SNX25: variants seen among roughly 807,000 people sequenced by gnomAD.
SNX25 encodes the protein sorting nexin-25.
SNX25 carries 62 observed loss-of-function variants against 113.7 expected under a neutral mutation model. That is an observed-to-expected ratio of 0.55 (90% CI 0.44 to 0.67). The LOEUF (loss-of-function observed/expected upper bound fraction) is 0.67, where lower values mean the gene tolerates loss of function less well. SNX25 is among the 30% of genes least tolerant of loss of function. The pLI is 0.00. For missense variants in SNX25, 1,014 were observed against 1,161.0 expected, an observed-to-expected ratio of 0.87 and a Z score of 1.84; for synonymous variants, 421 against 436.2, an observed-to-expected ratio of 0.97 and a Z score of 0.43.
intron 7 of SNX25, among the ~76,000 whole-genome samples, chr4:185,314,194 A>G (rs79409551): frequency 0.019 from 2,903 of 152,120 alleles, 87 homozygotes; most frequent in African/African-American, 0.066. Flanking sequence ...TAATCTTTTA[A>G]GAAGCTATAA....
At position 185,267,034 on chromosome 4, in the gene SNX25, C is replaced by T. The variant is rs1464561353; in HGVS notation, c.970C>T (p.Leu324=). The change falls in exon 5 of 19, where the codon CTG becomes TTG. Residue 324 remains leucine, a synonymous_variant. Coordinates refer to ENST00000652585, the MANE Select transcript of SNX25 (RefSeq NM_001378034.2). ...CATTAACCAAATGCTGCTTGCCCAG[C>T]TGGCGTACAGAGAGCAAATGAATGA... ...DYINQMLLAQ[L]AYREQMNEHH... 1.2e-6 allele frequency: 2 copies of T among 1,614,020 alleles called. No homozygotes were observed.
chr4:185,309,409 C>T (rs557740704), intron 6 of SNX25, among the ~76,000 whole-genome samples: 17 of 152,148 alleles, frequency 1.1e-4, no homozygotes, highest in African/African-American at 2.7e-4. Context: ...AGAGGGACAT[C>T]GTAAAAAGAG....
chr4:185,257,958 A>G (rs1264747313), intron 2 of SNX25, among the ~76,000 whole-genome samples: 1 of 152,208 alleles, frequency 6.6e-6, no homozygotes, highest in Non-Finnish European at 1.5e-5. Flanking sequence ...GAACAGAGAA[A>G]GTTAAATATA....
At chr4:185,306,717 A>G (rs901926507) in intron 6 of SNX25, among the ~76,000 whole-genome samples, 2 of 152,352 alleles carry the variant, frequency 1.3e-5, no homozygotes, top group Admixed American at 6.5e-5. Context: ...TACACAAACT[A>G]TGAAGTTTAA....
upstream of SNX25, among the ~76,000 whole-genome samples, chr4:185,205,453 CAA>C (rs1161922728): frequency 3.1e-5 from 4 of 127,442 alleles, no homozygotes; most frequent in African/African-American, 2.9e-5. Flanking sequence ...GACTGTGTCT[CAA>C]AAAAAAAAAA....
intron 9 of SNX25, among the ~76,000 whole-genome samples, chr4:185,325,002 T>C (rs995358183): frequency 3.5e-4 from 54 of 152,330 alleles, no homozygotes; most frequent in African/African-American, 1.2e-3. Flanking sequence ...GTCCTAGGCA[T>C]ATTATTAGGA....
chr4:185,288,137 C>T (rs1471435831), intron 6 of SNX25, 55 bp downstream of exon 6: 34 of 1,401,158 alleles, frequency 2.4e-5, no homozygotes, highest in Admixed American at 1.7e-4. Flanking sequence ...GCTTGATCCC[C>T]GGCCTTCTCC....
At chr4:185,293,489 G>A (rs773361530) in intron 6 of SNX25, among the ~76,000 whole-genome samples, 10 of 152,174 alleles carry the variant, frequency 6.6e-5, no homozygotes, top group Admixed American at 1.3e-4. Flanking sequence ...AAAGAAGCCA[G>A]ATGCAATAGG....
chr4:185,285,571 C>T (rs1250867610), intron 5 of SNX25, among the ~76,000 whole-genome samples: 1 of 152,202 alleles, frequency 6.6e-6, no homozygotes, highest in East Asian at 1.9e-4. Context: ...TCAAGTCTTC[C>T]TCAGAAAGCT....
At chr4:185,253,189 A>G (rs1204498294) in intron 2 of SNX25, among the ~76,000 whole-genome samples, 1 of 152,236 alleles carries the variant, frequency 6.6e-6, no homozygotes, top group Non-Finnish European at 1.5e-5. Flanking sequence ...TAATTGTATA[A>G]TTATTGAGTA....
chr4:185,339,329 G>A (rs1354902683), intron 10 of SNX25, 50 bp from the exon 11 acceptor site: 1 of 1,568,672 alleles, frequency 6.4e-7, no homozygotes, highest in Non-Finnish European at 8.8e-7. Context: ...TTGCTGAATT[G>A]CATAGTTTTA....
intron 5 of SNX25, among the ~76,000 whole-genome samples, chr4:185,276,717 T>C (rs973291584): frequency 6.6e-6 from 1 of 152,154 alleles, no homozygotes; most frequent in South Asian, 2.1e-4. Flanking sequence ...TTAAACCATC[T>C]TTCCCATCTA....
At chr4:185,365,692 ATAATAAT>A (rs1184392698), downstream of SNX25, 7 of 138,796 alleles carry the variant, frequency 5.0e-5, no homozygotes, top group African/African-American at 2.0e-4. Context: ...AAAAAAAAAA[ATAATAAT>A]AATAATAATA....
In SNX25 at chr4:185,210,872, T is replaced by A. The variant is rs1192900776; in HGVS notation, c.429+617T>A. 6.6e-6 allele frequency among the ~76,000 whole-genome samples: 1 copy of A among 151,988 alleles called. No individual in the cohort carries two copies. Among genetic ancestry groups the A allele is most frequent in the African/African-American group, 2.4e-5 (1 of 41,378 alleles). On this transcript the variant is annotated intron_variant, in intron 1 of 18. Coordinates refer to ENST00000652585, the MANE Select transcript of SNX25 (RefSeq NM_001378034.2). The surrounding 1 kb of genome is among the most constrained non-coding windows in gnomAD (Gnocchi z 4.4). ...CTGGTTTGCAACAAAAGGAAAGCCA[T>A]CCTCAGCGCGCTGTGGGACACTAGG... is the stretch of plus-strand genomic sequence containing the variant.
Position 185,239,973 on chromosome 4 carries a change from C to G in SNX25, c.430-7321C>G, listed in dbSNP as rs1314616238. 6.1e-4 allele frequency among the ~76,000 whole-genome samples: 92 copies of G among 150,446 alleles called. 1 individual carries two copies. Among genetic ancestry groups the G allele is most frequent in the Admixed American group, 2.4e-3 (36 of 15,084 alleles). ...ATTAGGGAGTGGTGATGACTCTTAA[C>G]GAGCATGCTTCCTTCAAGCATCTGT... On this transcript the variant is annotated intron_variant, in intron 1 of 18. Transcript: ENST00000652585.
intron 5 of SNX25, among the ~76,000 whole-genome samples, chr4:185,277,794 G>A (rs1168078798): frequency 5.0e-5 from 2 of 39,674 alleles, no homozygotes; most frequent in East Asian, 1.3e-3. Context: ...GTGCAGTGGC[G>A]GGATCTCGGC....
intron 7 of SNX25, among the ~76,000 whole-genome samples, chr4:185,317,809 G>A (rs1312600538): frequency 6.6e-6 from 1 of 152,028 alleles, no homozygotes; most frequent in Non-Finnish European, 1.5e-5. Context: ...AGGGGAGGGA[G>A]AGCATTAGAA....
intron 6 of SNX25, among the ~76,000 whole-genome samples, chr4:185,289,557 C>T (rs1751859586): frequency 6.6e-6 from 1 of 152,164 alleles, no homozygotes; most frequent in Admixed American, 6.5e-5. Flanking sequence ...AACCCAGTCA[C>T]AAAGGCCCAA....
intron 3 of SNX25, among the ~76,000 whole-genome samples, chr4:185,261,116 G>GTGTA (rs1747263890): frequency 2.6e-5 from 1 of 37,776 alleles, no homozygotes; most frequent in Non-Finnish European, 6.5e-5. Flanking sequence ...GTCTGTCTCT[G>GTGTA]TGTGTGTGTG....
Sources: gnomAD v4.1 joint callset for allele counts (sites outside exome capture counted in the v4.1 genomes callset) on GRCh38, gnomAD v4.1.1 for gene constraint, Gnocchi (gnomAD v3.1) non-coding constraint, MANE v1.5 for transcripts, NCBI Gene and HGNC (gene_info 2026-07-23, HGNC 2026-07-21) for gene names.